The following SMG1 variants were observed in gnomAD, a reference collection of about 807,000 sequenced individuals.
The protein encoded by SMG1 is serine/threonine-protein kinase SMG1.
SMG1 carries 22 observed loss-of-function variants against 419.9 expected under a neutral mutation model. The ratio of observed to expected loss-of-function variants is 0.05; its 90% CI spans 0.04 to 0.07. The LOEUF is 0.07. SMG1 is among the 10% of genes least tolerant of loss of function. SMG1 has a pLI of 1.00. For missense variants in SMG1, 3,185 were observed against 4,342.0 expected (o/e 0.73, Z 7.49); for synonymous variants, 1,538 against 1,553.5 (o/e 0.99, Z 0.23).
chr16:18,872,952 G>A (rs1176348204), intron 13 of SMG1, among the ~76,000 whole-genome samples: 1 of 152,000 alleles, frequency 6.6e-6, no homozygotes, highest in Non-Finnish European at 1.5e-5. Flanking sequence ...CCAGGAGTTT[G>A]AAACCAGCCT....
intron 1 of SMG1, among the ~76,000 whole-genome samples, chr16:18,897,322 A>G (rs1324192332): frequency 1.3e-5 from 2 of 152,214 alleles, no homozygotes; most frequent in African/African-American, 2.4e-5. Context: ...GATAATAAGA[A>G]TAATTCTTTC....
rs1393794346 is a variant in SMG1 at position 18,859,707 on chromosome 16, C to T, written c.3806-4G>A. ...TTAGGAAGCAGTTTTTTCATGTCTA[C>T]CAAAGTTAAATAAAACGTCATTAAG... is the stretch of plus-strand genomic sequence containing the variant. On this transcript the variant is annotated splice_polypyrimidine_tract_variant and splice_region_variant and intron_variant, in intron 26 of 62. Transcript: ENST00000446231. 2.5e-6 allele frequency: 4 copies of T among 1,589,696 alleles called. No homozygotes were observed. Among genetic ancestry groups the T allele is most frequent in the East Asian group, 2.2e-5 (1 of 44,576 alleles).
intron 29 of SMG1, chr16:18,856,329 ATTTTTTTTTTTTT>A (rs11365913): frequency 1.2e-5 from 1 of 84,690 alleles, no homozygotes; most frequent in Admixed American, 1.3e-4. Flanking sequence ...CACCCAGGTG[ATTTTTTTTTTTTT>A]TTTTTTTTTT....
At chr16:18,811,056 T>C (rs1384786611) in intron 62 of SMG1, among the ~76,000 whole-genome samples, 2 of 152,194 alleles carry the variant, frequency 1.3e-5, no homozygotes, top group Non-Finnish European at 2.9e-5. Flanking sequence ...TTCAGACAAA[T>C]GTCCCGATAC....
chr16:18,893,901 C>T (rs932513779), intron 3 of SMG1, among the ~76,000 whole-genome samples: 4 of 151,422 alleles, frequency 2.6e-5, no homozygotes, highest in Non-Finnish European at 5.9e-5. Flanking sequence ...ACTGAAGATA[C>T]AAAAAATTAG....
intron 3 of SMG1, 91 bp downstream of exon 3, chr16:18,895,961 G>A (rs980778000): frequency 1.4e-5 from 16 of 1,146,376 alleles, no homozygotes; most frequent in African/African-American, 3.0e-5. Flanking sequence ...ACTTATGCCT[G>A]TGCAAGGCGT....
intron 57 of SMG1, 66 bp from the exon 58 acceptor site, chr16:18,816,595 A>C (rs201256863): frequency 4.5e-6 from 6 of 1,330,008 alleles, no homozygotes; most frequent in Middle Eastern, 3.7e-4. Flanking sequence ...TTCTTCATTA[A>C]CATCATCAAA....
At chr16:18,891,070 C>T in intron 4 of SMG1, 149 bp from the exon 5 acceptor site, 3 of 612,088 alleles carry the variant, frequency 4.9e-6, no homozygotes, top group Non-Finnish European at 8.9e-6. Context: ...GAGCATGTAT[C>T]AGGAATGTCA....
chr16:18,875,957 A>C (rs2036108489), intron 13 of SMG1, 167 bp downstream of exon 13: 1 of 707,074 alleles, frequency 1.4e-6, no homozygotes, highest in Non-Finnish European at 2.4e-6. Context: ...TATAATGCCA[A>C]GAAAACATTC....
rs751723689 is a variant in SMG1 at position 18,838,578 on chromosome 16, T to C, written c.7057A>G (p.Ile2353Val). The change falls in exon 43 of 63, where the codon ATA (isoleucine) becomes GTA (valine). Residue 2353 changes from isoleucine (I) to valine (V), a missense_variant. By Grantham distance (29) the Ile-to-Val change is conservative. Coordinates refer to ENST00000446231, the MANE Select transcript of SMG1 (RefSeq NM_015092.5). ...IDMTTGEVVH[I>V]DYNVCFEKGK... ...TTTTCAAAGCAAACATTGTAATCTA[T>C]GTGAACAACTTCTCCAGTCGTCATA... 2 of 1,613,428 alleles carry C rather than the reference T, an allele frequency of 1.2e-6. No homozygotes were observed. Among genetic ancestry groups the C allele is most frequent in the Non-Finnish European group, 1.7e-6 (2 of 1,179,488 alleles).
chr16:18,875,309 G>A (rs13335173), intron 13 of SMG1: 51 of 152,704 alleles, frequency 3.3e-4, no homozygotes, highest in African/African-American at 1.1e-3. Flanking sequence ...TCCAAAATCC[G>A]GCTGGGCATG....
chr16:18,879,307 G>T lies in SMG1; in HGVS notation c.1518+188C>A, dbSNP rs992687950. ...ATTTTTGACTTTTTGTACAGATGGG[G>T]TCTCACTACATTGCCCAAGCTGTGC... On this transcript the variant is annotated intron_variant, in intron 11 of 62. Transcript: ENST00000446231. 1.2e-4 allele frequency: 69 copies of T among 580,230 alleles called. 1 individual carries two copies. Among genetic ancestry groups the T allele is most frequent in the Admixed American group, 2.9e-5 (1 of 34,064 alleles). The allele number at this position is 580,230 out of a possible 1,614,324, so 35.9% of individuals were successfully genotyped here.
At position 18,815,584 on chromosome 16, in the gene SMG1, C is replaced by G; in HGVS notation, c.10370G>C (p.Gly3457Ala). 6.2e-7 allele frequency: 1 copy of G among 1,613,964 alleles called. No homozygotes were observed. The highest frequency in any genetic ancestry group is 1.1e-5 in the South Asian group (1 of 91,084). Reference sequence around the variant, plus strand: ...GTTGTCTTGCCATGATTTATATTCACCCAAAAACTGCCTAACACTGTTCTC... The same window carrying G: ...GTTGTCTTGCCATGATTTATATTCAGCCAAAAACTGCCTAACACTGTTCTC... ...PYENSVRQFL[G>A]EYKSWQDNIQ... is the part of the protein sequence containing the mutation. The change falls in exon 59 of 63, where the codon GGT becomes GCT. Residue 3457 changes from glycine (G) to alanine (A), a missense_variant. By Grantham distance (60) the Gly-to-Ala change is moderately conservative. This residue lies in a region of SMG1 where 737 missense variants were observed against 846.6 expected (regional missense o/e 0.87). Transcript: ENST00000446231.
At chr16:18,853,462 C>A in intron 31 of SMG1, 121 bp downstream of exon 31, 1 of 917,374 alleles carries the variant, frequency 1.1e-6, no homozygotes, top group Admixed American at 3.4e-5. Context: ...ATAAAATAAA[C>A]TCAACTTCCA....
In SMG1 at chr16:18,805,418, G is replaced by A. The variant is rs1173618500; in HGVS notation, c.*4151C>T. On this transcript the variant is annotated 3_prime_UTR_variant, in exon 63 of 63. Transcript: ENST00000446231. ...TAGCACAACAAACAGCTTTTTCTAA[G>A]TCTAGCCAAGTTCCCATGGAAGGCA... 1 of 152,140 alleles carries A rather than the reference G, an allele frequency of 6.6e-6. No homozygotes were observed. Among genetic ancestry groups the A allele is most frequent in the East Asian group, 1.9e-4 (1 of 5,198 alleles). 9.4% of individuals were successfully genotyped at this position (152,140 alleles called of 1,614,324 possible). A position where few individuals can be genotyped will look rare whatever the true frequency, so the allele number is the denominator to read the frequency against.
intron 1 of SMG1, among the ~76,000 whole-genome samples, chr16:18,907,618 G>A (rs1333956997): frequency 5.9e-5 from 9 of 152,042 alleles, no homozygotes; most frequent in Admixed American, 5.9e-4. Context: ...GGGAGGCCGA[G>A]GCGGGCGGAT....
intron 1 of SMG1, among the ~76,000 whole-genome samples, chr16:18,909,946 T>A (rs1223671630): frequency 2.0e-5 from 3 of 152,244 alleles, no homozygotes; most frequent in East Asian, 1.9e-4. Flanking sequence ...AAACACACTT[T>A]AATCAGATTG....
At chr16:18,888,693 C>T (rs1478507075) in intron 6 of SMG1, among the ~76,000 whole-genome samples, 2 of 151,680 alleles carry the variant, frequency 1.3e-5, no homozygotes, top group African/African-American at 4.8e-5. Context: ...GTTTCGATCT[C>T]TTGACCTCAT....
Position 18,892,258 on chromosome 16 carries a change from T to C in SMG1, c.509A>G (p.Lys170Arg). 1.3e-6 allele frequency: 2 copies of C among 1,551,234 alleles called. No homozygotes were observed. Among genetic ancestry groups the C allele is most frequent in the African/African-American group, 1.4e-5 (1 of 73,332 alleles). Residue 170 changes from lysine (K) to arginine (R), a missense_variant, in exon 4 of 63, where the codon AAG becomes AGG. Physicochemically the swap from Lys to Arg is conservative, Grantham distance 26. Coordinates refer to ENST00000446231, the MANE Select transcript of SMG1 (RefSeq NM_015092.5). Reference sequence around the variant, plus strand: ...TTGCTGAATAAATTCTTTCAACTGCTTTACAGTAGCCAATCTTCGGTCTCT... The same window carrying C: ...TTGCTGAATAAATTCTTTCAACTGCCTTACAGTAGCCAATCTTCGGTCTCT... ...DDRDRRLATVKQLKEFIQQPE... is the reference protein window; with the variant it reads ...DDRDRRLATVRQLKEFIQQPE...
Sources: allele counts gnomAD v4.1 joint callset (sites outside exome capture counted in the v4.1 genomes callset), GRCh38; gene constraint gnomAD v4.1.1; regional missense constraint gnomAD v4.1.1; transcripts MANE v1.5; gene names NCBI Gene and HGNC (gene_info 2026-07-23, HGNC 2026-07-21).